Variants in HERC2 observed in about 807,000 individuals in gnomAD.
The protein encoded by HERC2 is HECT and RLD domain containing E3 ubiquitin protein ligase 2.
Under a neutral mutation model 537.7 loss-of-function variants are expected in HERC2, and 102 were observed. That is an observed-to-expected ratio of 0.19 (90% CI 0.16 to 0.22). HERC2 has a LOEUF of 0.22. HERC2 is among the 10% of genes least tolerant of loss of function. HERC2 has a pLI of 1.00. For missense variants in HERC2, 4,236 were observed against 6,198.2 expected, an observed-to-expected ratio of 0.68 and a Z score of 10.63; for synonymous variants, 2,224 against 2,466.2, an observed-to-expected ratio of 0.90 and a Z score of 2.91.
Position 28,141,629 on chromosome 15 carries a change from G to A in HERC2, c.11818C>T (p.Arg3940Ter). 1.2e-6 allele frequency: 2 copies of A among 1,614,076 alleles called. No homozygotes were observed. The highest frequency in any genetic ancestry group is 1.7e-6 in the Non-Finnish European group (2 of 1,180,004). The change falls in exon 78 of 93, where the codon CGA becomes TGA. Residue 3940 changes from arginine (R) to a stop codon, truncating the protein, a stop_gained and splice_region_variant. Transcript: ENST00000261609. LOFTEE classifies it high-confidence loss of function. ...DEQLVQWMNR[R>*]PDDWTLSAGG... ...GCAGAGAGAGTCCAGTCATCTGGTC[G>A]CCTACAATACACATCAAGTGAGCAT...
intron 48 of HERC2, 136 bp downstream of exon 48, chr15:28,201,320 G>C: frequency 1.5e-6 from 1 of 652,912 alleles, no homozygotes; most frequent in South Asian, 1.8e-5. Flanking sequence ...CACTGGTCAG[G>C]TATGTCTTCC....
At chr15:28,172,258 T>A (rs1894783013) in intron 65 of HERC2, among the ~76,000 whole-genome samples, 1 of 152,234 alleles carries the variant, frequency 6.6e-6, no homozygotes, top group African/African-American at 2.4e-5. Flanking sequence ...AGCAAACGAT[T>A]TTATAAAAAC....
intron 55 of HERC2, 63 bp from the exon 56 acceptor site, chr15:28,186,815 G>C: frequency 8.1e-7 from 1 of 1,231,034 alleles, no homozygotes. Flanking sequence ...CCTCTAACTG[G>C]AGAACGGGAT....
At chr15:28,256,956 T>G in intron 17 of HERC2, 105 bp downstream of exon 17, 1 of 954,004 alleles carries the variant, frequency 1.0e-6, no homozygotes, top group Admixed American at 2.5e-5. Context: ...CTTTAAAATA[T>G]TTCACCGAAC....
chr15:28,222,355 T>G (rs919089310), intron 35 of HERC2, 140 bp from the exon 36 acceptor site: 1 of 549,904 alleles, frequency 1.8e-6, no homozygotes, highest in Non-Finnish European at 3.3e-6. Flanking sequence ...TATAATATTA[T>G]GAATATTTTA....
At chr15:28,140,945 A>G (rs1326779782) in intron 78 of HERC2, among the ~76,000 whole-genome samples, 1 of 152,108 alleles carries the variant, frequency 6.6e-6, no homozygotes, top group African/African-American at 2.4e-5. Context: ...AAATAAAAAT[A>G]AAAATAAATT....
rs1374974876 is a variant in HERC2, at chr15:28,169,479, C to T, written c.10229+5G>A. 11 of 1,559,886 alleles carry T rather than the reference C, an allele frequency of 7.1e-6. No homozygotes were observed. Among genetic ancestry groups the T allele is most frequent in the Admixed American group, 3.9e-5 (2 of 50,654 alleles). ...AGAATTTCAAAAATTAGCACAGAAG[C>T]CTACCTGGCATACATGATTTGCAAT... On this transcript the variant is annotated splice_donor_5th_base_variant and intron_variant, in intron 66 of 92. Transcript: ENST00000261609.
chr15:28,223,978 G>A (rs532546649), intron 35 of HERC2, among the ~76,000 whole-genome samples: 1 of 151,960 alleles, frequency 6.6e-6, no homozygotes, highest in Non-Finnish European at 1.5e-5. Flanking sequence ...TTTCTCGATG[G>A]AGATATGCTT....
rs556061778 is a variant in HERC2 at position 28,268,898 on chromosome 15, C to T, written c.1447-282G>A. Among the ~76,000 whole-genome samples, 1 of 152,298 alleles carries T rather than the reference C, an allele frequency of 6.6e-6. No homozygotes were observed. The highest frequency in any genetic ancestry group is 2.1e-4 in the South Asian group (1 of 4,814). ...ACGCAGCCGACAGGGAGGAACACCT[C>T]GCTTTAATGAAAACATGCCACGTCC... On this transcript the variant is annotated intron_variant, in intron 11 of 92. Coordinates refer to ENST00000261609, the MANE Select transcript of HERC2 (RefSeq NM_004667.6). This position sits in a 1 kb window ranked among gnomAD's most constrained non-coding sequence, Gnocchi z 4.7.
At chr15:28,216,241 CTATTA>C (rs1233548034) in intron 38 of HERC2, among the ~76,000 whole-genome samples, 2 of 152,006 alleles carry the variant, frequency 1.3e-5, no homozygotes, top group East Asian at 1.9e-4. Flanking sequence ...AACAGTGCAT[CTATTA>C]TATTTTTAAT....
chr15:28,192,310 T>C (rs907710363), intron 52 of HERC2, among the ~76,000 whole-genome samples, 159 bp from the exon 53 acceptor site: 2 of 152,228 alleles, frequency 1.3e-5, no homozygotes, highest in African/African-American at 2.4e-5. Flanking sequence ...CTAGTCAAGA[T>C]ATAGTTACAC....
intron 23 of HERC2, among the ~76,000 whole-genome samples, chr15:28,241,141 A>G (rs1342447390): frequency 6.6e-6 from 1 of 152,332 alleles, no homozygotes; most frequent in Admixed American, 6.5e-5. Context: ...ATTGCAAATA[A>G]TATCTATGCA....
rs1887626098 is a variant in HERC2 at position 28,111,356 on chromosome 15, A to T, written c.*407T>A. ...ATATTTATAATACGATTTGTTACAC[A>T]GTTATTTCCAATATACAATCAAGAC... is the stretch of plus-strand genomic sequence containing the variant. On this transcript the variant is annotated 3_prime_UTR_variant, in exon 93 of 93. Transcript: ENST00000261609. The T allele has an allele frequency of 5.4e-6, 1 of 184,770 alleles. No homozygotes were observed. Among genetic ancestry groups the T allele is most frequent in the Non-Finnish European group, 1.1e-5 (1 of 90,196 alleles). The allele number at this position is 184,770 out of a possible 1,614,324, so 11.4% of individuals were successfully genotyped here.
chr15:28,264,973 G>A (rs1212437744), intron 14 of HERC2, among the ~76,000 whole-genome samples: 1 of 152,036 alleles, frequency 6.6e-6, no homozygotes, highest in East Asian at 1.9e-4. Flanking sequence ...CCTAAGAAAT[G>A]CCCAAAAGTC....
At chr15:28,154,785 C>CT (rs1444022048) in intron 69 of HERC2, among the ~76,000 whole-genome samples, 3 of 152,024 alleles carry the variant, frequency 2.0e-5, no homozygotes, top group African/African-American at 7.3e-5. Context: ...TTTTATTATA[C>CT]TTTAAGTTCT....
Position 28,175,499 on chromosome 15 carries a change from C to T in HERC2, c.9831+13G>A, listed in dbSNP as rs760731206. On this transcript the variant is annotated intron_variant, in intron 64 of 92. Coordinates refer to ENST00000261609, the MANE Select transcript of HERC2 (RefSeq NM_004667.6). ...AGGATGGCACGCCACCCCCAGGCCA[C>T]CTGCAGCCTTACCTGCCCCGAGTCC... The T allele has an allele frequency of 1.7e-5, 28 of 1,605,924 alleles. No individual in the cohort carries two copies. In the Admixed American group the frequency reaches 4.6e-4, roughly 26 times the overall value.
intron 17 of HERC2, among the ~76,000 whole-genome samples, chr15:28,256,617 A>C (rs867697044): frequency 2.0e-5 from 3 of 152,162 alleles, no homozygotes; most frequent in South Asian, 2.1e-4. Context: ...CAAACACAGA[A>C]ATAACAGCTA....
chr15:28,132,863 C>T (rs1322011856), intron 79 of HERC2, 33 bp from the exon 80 acceptor site: 2 of 1,470,832 alleles, frequency 1.4e-6, no homozygotes, highest in African/African-American at 1.4e-5. Flanking sequence ...AATGGAAACA[C>T]ATTTTTATTC....
At chr15:28,175,313 C>G (rs1895159344) in intron 64 of HERC2, among the ~76,000 whole-genome samples, 199 bp downstream of exon 64, 1 of 152,046 alleles carries the variant, frequency 6.6e-6, no homozygotes, top group Non-Finnish European at 1.5e-5. Context: ...CTGAGGACCC[C>G]GCCCCCAACC....
Sources: gnomAD v4.1 joint callset for allele counts (sites outside exome capture counted in the v4.1 genomes callset) on GRCh38, gnomAD v4.1.1 for gene constraint, Gnocchi (gnomAD v3.1) non-coding constraint, MANE v1.5 for transcripts, NCBI Gene and HGNC (gene_info 2026-07-23, HGNC 2026-07-21) for gene names.